The following PTPRD variants were observed in gnomAD, a reference collection of about 807,000 sequenced individuals.
PTPRD encodes protein tyrosine phosphatase receptor type D.
In PTPRD, 34 loss-of-function variants were observed where a neutral mutation model predicts 214.5. That is an observed-to-expected ratio of 0.16 (90% CI 0.12 to 0.21). The LOEUF (loss-of-function observed/expected upper bound fraction) is 0.21. Among genes scored for constraint, PTPRD ranks in the 10% least tolerant of loss-of-function variants. The pLI, the probability that PTPRD is intolerant of heterozygous loss-of-function variation, is 1.00. For synonymous variants in PTPRD, 1,128 were observed against 845.7 expected, an observed-to-expected ratio of 1.33 and a Z score of -5.79; for missense variants, 2,545 against 2,398.7, an observed-to-expected ratio of 1.06 and a Z score of -1.27.
intron 11 of PTPRD, among the ~76,000 whole-genome samples, chr9:8,937,658 A>G (rs1214573427): frequency 1.3e-5 from 2 of 152,186 alleles, no homozygotes; most frequent in Admixed American, 6.5e-5. Context: ...CTTGCTCATC[A>G]TTCAAGATTC....
At chr9:9,630,476 G>C (rs1317470961) in intron 7 of PTPRD, among the ~76,000 whole-genome samples, 1 of 152,186 alleles carries the variant, frequency 6.6e-6, no homozygotes, top group African/African-American at 2.4e-5. Flanking sequence ...TGAAGTGACG[G>C]AAGGGGAGGA....
chr9:10,140,625 A>T (rs891180851), intron 3 of PTPRD, among the ~76,000 whole-genome samples: 8 of 152,160 alleles, frequency 5.3e-5, no homozygotes, highest in African/African-American at 1.4e-4. Flanking sequence ...CCAACGAAAA[A>T]AGTCCAGGAC....
intron 7 of PTPRD, among the ~76,000 whole-genome samples, chr9:9,616,962 C>T (rs1003405821): frequency 3.3e-5 from 5 of 152,190 alleles, no homozygotes; most frequent in Middle Eastern, 3.4e-3. Context: ...AACTTGTTTT[C>T]CCTTTACTCT....
chr9:9,712,922 C>G (rs984204484), intron 7 of PTPRD, among the ~76,000 whole-genome samples: 4 of 152,126 alleles, frequency 2.6e-5, no homozygotes, highest in African/African-American at 7.2e-5. Context: ...TGTATGTATC[C>G]TTGTATAAGA....
intron 3 of PTPRD, among the ~76,000 whole-genome samples, chr9:10,040,107 T>G (rs754711695): frequency 2.0e-5 from 3 of 151,960 alleles, no homozygotes; most frequent in Non-Finnish European, 4.4e-5. Context: ...GCAAAATCAG[T>G]GTTTGGTAGG....
In PTPRD at chr9:10,160,455, A is replaced by G. The variant is rs1380639316; in HGVS notation, c.-544-126665T>C. ...TGAATACCAATTCTTCTCAAAGATC[A>G]TAGCAGAACCAAGAACAAAAACCAT... is the stretch of plus-strand genomic sequence containing the variant. On this transcript the variant is annotated intron_variant, in intron 3 of 45. Coordinates refer to ENST00000381196, the MANE Select transcript of PTPRD (RefSeq NM_002839.4). Among the ~76,000 whole-genome samples the G allele has an allele frequency of 2.6e-5, 4 of 151,966 alleles. No homozygotes were observed. The East Asian group carries it at 5.8e-4, about 22-fold the overall frequency.
At chr9:8,522,542 T>C (rs1219854213) in intron 19 of PTPRD, among the ~76,000 whole-genome samples, 1 of 152,172 alleles carries the variant, frequency 6.6e-6, no homozygotes, top group East Asian at 1.9e-4. Flanking sequence ...TATGCCCACA[T>C]TCAAATTGAG....
chr9:8,361,968 G>A (rs2078617443), intron 39 of PTPRD, among the ~76,000 whole-genome samples: 1 of 152,196 alleles, frequency 6.6e-6, no homozygotes, highest in South Asian at 2.1e-4. Flanking sequence ...TAGCCAAACT[G>A]TGATATGGTG....
At chr9:9,181,565 T>G (rs1334391963) in intron 10 of PTPRD, among the ~76,000 whole-genome samples, 1 of 152,020 alleles carries the variant, frequency 6.6e-6, no homozygotes, top group East Asian at 1.9e-4. Flanking sequence ...CTTTCATATA[T>G]GAACTCATTT....
At chr9:8,801,965 C>T (rs2096580786) in intron 11 of PTPRD, among the ~76,000 whole-genome samples, 1 of 152,242 alleles carries the variant, frequency 6.6e-6, no homozygotes, top group East Asian at 1.9e-4. Flanking sequence ...AGATAATTCC[C>T]ACTTACTTTA....
At chr9:9,348,280 A>G (rs774963827) in intron 9 of PTPRD, among the ~76,000 whole-genome samples, 3 of 152,078 alleles carry the variant, frequency 2.0e-5, no homozygotes, top group Non-Finnish European at 4.4e-5. Context: ...TTAGATAGCT[A>G]TAATGTCTCT....
chr9:8,906,423 C>G (rs1340242011), intron 11 of PTPRD, among the ~76,000 whole-genome samples: 1 of 152,046 alleles, frequency 6.6e-6, no homozygotes, highest in Non-Finnish European at 1.5e-5. Context: ...GTTACTTTGT[C>G]TTGATATAGT....
chr9:9,973,240 A>C (rs899716297), intron 4 of PTPRD, among the ~76,000 whole-genome samples: 13 of 146,480 alleles, frequency 8.9e-5, no homozygotes, highest in African/African-American at 3.3e-4. Context: ...AAGCGGGAGG[A>C]TTGCTTGAGC....
intron 11 of PTPRD, among the ~76,000 whole-genome samples, chr9:8,796,283 C>G (rs2154514860): frequency 6.6e-6 from 1 of 152,200 alleles, no homozygotes; most frequent in South Asian, 2.1e-4. Flanking sequence ...TTTCAAATTT[C>G]CTTGGGGGAT....
intron 10 of PTPRD, among the ~76,000 whole-genome samples, chr9:9,045,899 A>T (rs1475047168): frequency 6.6e-6 from 1 of 152,204 alleles, no homozygotes; most frequent in East Asian, 1.9e-4. Flanking sequence ...TTAGGCTTCC[A>T]TCAATCATTC....
intron 44 of PTPRD, among the ~76,000 whole-genome samples, chr9:8,322,780 A>T (rs1342516214): frequency 6.6e-6 from 1 of 152,186 alleles, no homozygotes; most frequent in Non-Finnish European, 1.5e-5. Flanking sequence ...ATATTGGAAG[A>T]AGTTGTCATC....
At chr9:8,712,447 CT>C (rs111724244) in intron 12 of PTPRD, among the ~76,000 whole-genome samples, 4,429 of 142,840 alleles carry the variant, frequency 0.031, 176 homozygotes, top group African/African-American at 0.092. Context: ...CACTATGTGC[CT>C]TTTTTTTTTT....
At chr9:9,164,247 C>T (rs2099896890) in intron 10 of PTPRD, among the ~76,000 whole-genome samples, 1 of 152,100 alleles carries the variant, frequency 6.6e-6, no homozygotes, top group African/African-American at 2.4e-5. Flanking sequence ...TTAGAGGCTA[C>T]CTGTATTCTT....
At chr9:8,732,874 A>C (rs571298289) in intron 12 of PTPRD, among the ~76,000 whole-genome samples, 1 of 152,326 alleles carries the variant, frequency 6.6e-6, no homozygotes, top group South Asian at 2.1e-4. Flanking sequence ...TCTCACTGAA[A>C]TAGTGGAGAG....
Sources: allele counts gnomAD v4.1 joint callset (sites outside exome capture counted in the v4.1 genomes callset), GRCh38; gene constraint gnomAD v4.1.1; transcripts MANE v1.5; gene names NCBI Gene and HGNC (gene_info 2026-07-23, HGNC 2026-07-21).